Variants in PDZD2 observed in about 807,000 individuals in gnomAD.
The protein encoded by PDZD2 is PDZ domain-containing protein 2.
A neutral mutation model predicts 220.7 loss-of-function variants in PDZD2; 90 were observed. The ratio of observed to expected loss-of-function variants is 0.41; its 90% CI spans 0.34 to 0.49. The LOEUF (loss-of-function observed/expected upper bound fraction) is 0.49. PDZD2 is among the 20% of genes least tolerant of loss of function. The pLI is 0.28. For missense variants in PDZD2, 3,174 were observed against 3,608.5 expected (o/e 0.88, Z 3.08); for synonymous variants, 1,375 against 1,450.5 (o/e 0.95, Z 1.18).
At chr5:32,009,146 C>T (rs1753087122) in intron 5 of PDZD2, among the ~76,000 whole-genome samples, 1 of 151,812 alleles carries the variant, frequency 6.6e-6, no homozygotes, top group Non-Finnish European at 1.5e-5. Context: ...GGTTCGAGAC[C>T]AGCCTGGCCA....
intron 1 of PDZD2, among the ~76,000 whole-genome samples, chr5:31,755,934 T>C (rs1022690214): frequency 9.9e-5 from 15 of 152,092 alleles, no homozygotes; most frequent in Admixed American, 3.9e-4. Context: ...ACAGCCCTCA[T>C]TGACTCCAAC....
At chr5:31,698,203 C>T (rs1007353237) in intron 1 of PDZD2, among the ~76,000 whole-genome samples, 1 of 150,480 alleles carries the variant, frequency 6.6e-6, no homozygotes, top group Non-Finnish European at 1.5e-5. Flanking sequence ...CGCACCCGGC[C>T]CCTTCCTTAT....
chr5:32,034,458 G>A (rs1015295233), intron 6 of PDZD2, among the ~76,000 whole-genome samples: 1 of 150,798 alleles, frequency 6.6e-6, no homozygotes, highest in Non-Finnish European at 1.5e-5. Flanking sequence ...TCCCAGGCTC[G>A]AGCTATTCTT....
chr5:31,781,479 G>T (rs1753061071), intron 1 of PDZD2, among the ~76,000 whole-genome samples: 1 of 152,190 alleles, frequency 6.6e-6, no homozygotes, highest in South Asian at 2.1e-4. Flanking sequence ...GGGAGGAAGT[G>T]GTGGGTATAC....
intron 2 of PDZD2, among the ~76,000 whole-genome samples, chr5:31,883,819 C>T (rs1374048214): frequency 6.6e-6 from 1 of 152,074 alleles, no homozygotes; most frequent in Non-Finnish European, 1.5e-5. Context: ...CCAGGATGGT[C>T]TGGAACTCCT....
intron 1 of PDZD2, among the ~76,000 whole-genome samples, chr5:31,769,209 G>A (rs1027815805): frequency 2.0e-5 from 3 of 151,844 alleles, no homozygotes; most frequent in African/African-American, 7.3e-5. Context: ...TGACCAGATA[G>A]CCCGAAGGTG....
At chr5:31,975,182 G>A (rs546212507) in intron 2 of PDZD2, among the ~76,000 whole-genome samples, 1 of 152,290 alleles carries the variant, frequency 6.6e-6, no homozygotes, top group East Asian at 1.9e-4. Context: ...CCGAGACTGG[G>A]TGATTTATAG....
chr5:31,873,405 C>A (rs1288481497), intron 2 of PDZD2, among the ~76,000 whole-genome samples: 1 of 151,048 alleles, frequency 6.6e-6, no homozygotes, highest in Non-Finnish European at 1.5e-5. Context: ...CTGCTGTACT[C>A]CAGTTTGGGT....
chr5:32,056,289 C>G (rs1211671998), intron 10 of PDZD2, among the ~76,000 whole-genome samples: 1 of 152,066 alleles, frequency 6.6e-6, no homozygotes, highest in Non-Finnish European at 1.5e-5. Flanking sequence ...TGGGGCACAG[C>G]TACATTTTTG....
chr5:31,761,332 G>T (rs1751641357), intron 1 of PDZD2, among the ~76,000 whole-genome samples: 3 of 152,138 alleles, frequency 2.0e-5, no homozygotes, highest in Non-Finnish European at 2.9e-5. Flanking sequence ...TCTTCCAAAT[G>T]GGATGGTAGC....
intron 1 of PDZD2, among the ~76,000 whole-genome samples, chr5:31,689,785 G>A (rs1383155413): frequency 6.6e-6 from 1 of 152,050 alleles, no homozygotes; most frequent in Non-Finnish European, 1.5e-5. Context: ...AGGTTATGAT[G>A]TTCTCCTTGT....
At chr5:31,778,406 C>T (rs1012873885) in intron 1 of PDZD2, among the ~76,000 whole-genome samples, 7 of 152,136 alleles carry the variant, frequency 4.6e-5, no homozygotes, top group African/African-American at 1.4e-4. Flanking sequence ...TCTGCACTGC[C>T]TTTATGAGCT....
chr5:31,648,047 G>A (rs1362636253), intron 1 of PDZD2, among the ~76,000 whole-genome samples: 1 of 152,188 alleles, frequency 6.6e-6, no homozygotes, highest in Non-Finnish European at 1.5e-5. Context: ...GGTAACAGTA[G>A]TTGGCCAACA....
chr5:31,891,312 T>C (rs1024218629), intron 2 of PDZD2, among the ~76,000 whole-genome samples: 2 of 151,560 alleles, frequency 1.3e-5, no homozygotes, highest in African/African-American at 4.8e-5. Flanking sequence ...AATTTTTGTA[T>C]TTTTATTTTT....
intron 1 of PDZD2, among the ~76,000 whole-genome samples, chr5:31,683,207 T>TAAAAA (rs35467814): frequency 3.9e-5 from 5 of 129,024 alleles, no homozygotes; most frequent in African/African-American, 8.8e-5. Flanking sequence ...ATCAGAATGT[T>TAAAAA]AAAAAAAAAA....
At chr5:31,981,167 GT>G (rs1221044670) in intron 2 of PDZD2, among the ~76,000 whole-genome samples, 6 of 152,116 alleles carry the variant, frequency 3.9e-5, no homozygotes, top group African/African-American at 1.4e-4. Flanking sequence ...TTATCTGCCT[GT>G]TTTTGTACAT....
intron 1 of PDZD2, among the ~76,000 whole-genome samples, chr5:31,755,547 A>G (rs1017099420): frequency 4.6e-5 from 7 of 151,816 alleles, no homozygotes; most frequent in African/African-American, 1.7e-4. Context: ...TGGAGGCTCC[A>G]ACTCCACGCA....
At chr5:31,754,597 C>T (rs1224889305) in intron 1 of PDZD2, 1 of 152,186 alleles carries the variant, frequency 6.6e-6, no homozygotes, top group Non-Finnish European at 1.5e-5. Flanking sequence ...AATTTTCTCT[C>T]CTTTTTTCTT....
At chr5:32,082,330 TCTTTTTTAAAA>T (rs1016451323) in intron 19 of PDZD2, among the ~76,000 whole-genome samples, 2 of 152,044 alleles carry the variant, frequency 1.3e-5, no homozygotes, top group African/African-American at 4.8e-5. Flanking sequence ...CCAAAACATA[TCTTTTTTAAAA>T]CTGAAATATC....
Sources: gnomAD v4.1 joint callset for allele counts (sites outside exome capture counted in the v4.1 genomes callset) on GRCh38, gnomAD v4.1.1 for gene constraint, MANE v1.5 for transcripts, NCBI Gene and HGNC (gene_info 2026-07-23, HGNC 2026-07-21) for gene names.